CYTH3: variants seen among roughly 807,000 people sequenced by gnomAD.
The protein encoded by CYTH3 is cytohesin-3.
Under a neutral mutation model 55.1 loss-of-function variants are expected in CYTH3, and 23 were observed. The observed-to-expected ratio is 0.42, with a 90% CI of 0.30 to 0.59. The LOEUF (loss-of-function observed/expected upper bound fraction) is 0.59, where lower values mean the gene tolerates loss of function less well. CYTH3 is among the 20% of genes least tolerant of loss of function. The pLI, the probability that CYTH3 is intolerant of heterozygous loss-of-function variation, is 0.20. For synonymous variants in CYTH3, 249 were observed against 194.9 expected, an observed-to-expected ratio of 1.28 and a Z score of -2.31; for missense variants, 413 against 524.8, an observed-to-expected ratio of 0.79 and a Z score of 2.08.
chr7:6,248,592 G>A (rs1028796391), intron 1 of CYTH3, among the ~76,000 whole-genome samples: 3 of 152,176 alleles, frequency 2.0e-5, no homozygotes, highest in Non-Finnish European at 2.9e-5. Flanking sequence ...TTGAAGCCGC[G>A]TGTGTCCTCT....
intron 1 of CYTH3, among the ~76,000 whole-genome samples, chr7:6,265,442 T>G (rs1780464181): frequency 1.3e-5 from 2 of 150,408 alleles, no homozygotes; most frequent in African/African-American, 4.9e-5. Context: ...GAAACCCGTA[T>G]CTATTAAAAA....
rs767850912 is a variant in CYTH3 at position 6,243,016 on chromosome 7, T to C, written c.34+29458A>G. ...CCTGGGACATGCCCCTTCAGTTCTC[T>C]AGGAGGTAAAACTTGTGCCTCCCAA... On this transcript the variant is annotated intron_variant, in intron 1 of 12. Coordinates refer to ENST00000350796, the MANE Select transcript of CYTH3 (RefSeq NM_004227.4). Among the ~76,000 whole-genome samples, 26 of 152,170 alleles carry C rather than the reference T, an allele frequency of 1.7e-4. No individual in the cohort carries two copies. The Middle Eastern group carries it at 0.024, about 140-fold the overall frequency.
intron 5 of CYTH3, among the ~76,000 whole-genome samples, chr7:6,177,056 T>A (rs924068082): frequency 6.6e-6 from 1 of 152,228 alleles, no homozygotes; most frequent in African/African-American, 2.4e-5. Flanking sequence ...ATGGGGTAAG[T>A]CCCCCTTGGT....
intron 5 of CYTH3, among the ~76,000 whole-genome samples, chr7:6,176,422 C>T (rs1351604588): frequency 6.6e-6 from 1 of 151,810 alleles, no homozygotes; most frequent in Non-Finnish European, 1.5e-5. Flanking sequence ...CCACCACACC[C>T]AGCCAATTTT....
At chr7:6,240,931 T>C (rs562011137) in intron 1 of CYTH3, among the ~76,000 whole-genome samples, 1 of 150,788 alleles carries the variant, frequency 6.6e-6, no homozygotes, top group South Asian at 2.1e-4. Flanking sequence ...CTGACCAACA[T>C]GGTGAAACCC....
At chr7:6,259,818 ATATATATATATATATTTTT>A (rs1780296932) in intron 1 of CYTH3, among the ~76,000 whole-genome samples, 2 of 25,880 alleles carry the variant, frequency 7.7e-5, no homozygotes, top group African/African-American at 8.4e-4. Flanking sequence ...TATATAATAT[ATATATATATATATATTTTT>A]TTTTTTTTTT....
chr7:6,212,716 A>T (rs1279133440), intron 1 of CYTH3: 1 of 152,230 alleles, frequency 6.6e-6, no homozygotes, highest in Non-Finnish European at 1.5e-5. Context: ...AACAATCGAT[A>T]TAACTCACTA....
At chr7:6,263,985 A>G (rs751175802) in intron 1 of CYTH3, among the ~76,000 whole-genome samples, 1 of 151,906 alleles carries the variant, frequency 6.6e-6, no homozygotes, top group Non-Finnish European at 1.5e-5. Context: ...GGTTGCTCAC[A>G]CCTGTAATCC....
chr7:6,197,779 T>A (rs866837500), intron 1 of CYTH3, among the ~76,000 whole-genome samples: 30 of 152,298 alleles, frequency 2.0e-4, no homozygotes, highest in Middle Eastern at 3.4e-3. Flanking sequence ...GAATTTTTCA[T>A]GTTAAAAAAA....
intron 1 of CYTH3, among the ~76,000 whole-genome samples, chr7:6,232,440 G>A (rs1288575236): frequency 6.6e-6 from 1 of 152,144 alleles, no homozygotes. Flanking sequence ...TATCGTGACA[G>A]GTGGACCACA....
intron 1 of CYTH3, among the ~76,000 whole-genome samples, chr7:6,212,163 T>A (rs1403753433): frequency 6.6e-6 from 1 of 152,100 alleles, no homozygotes; most frequent in Non-Finnish European, 1.5e-5. Context: ...AAGCAAGGTC[T>A]CCCGATGTTT....
chr7:6,173,545 C>T (rs990332464), intron 6 of CYTH3, 108 bp downstream of exon 6: 41 of 748,230 alleles, frequency 5.5e-5, no homozygotes, highest in Non-Finnish European at 7.3e-5. Context: ...ATCTGTGAGA[C>T]TCGTGTGGCA....
intron 1 of CYTH3, among the ~76,000 whole-genome samples, chr7:6,197,254 T>G (rs1302460248): frequency 6.6e-6 from 1 of 152,168 alleles, no homozygotes; most frequent in African/African-American, 2.4e-5. Context: ...AATTTCCACG[T>G]CTAAAAGAAA....
chr7:6,183,857 A>C (rs1783567433), intron 4 of CYTH3, among the ~76,000 whole-genome samples: 1 of 151,926 alleles, frequency 6.6e-6, no homozygotes, highest in Non-Finnish European at 1.5e-5. Context: ...TGCCCTTATA[A>C]GAACATCACC....
chr7:6,202,050 C>T (rs1225606569), intron 1 of CYTH3, among the ~76,000 whole-genome samples: 1 of 152,190 alleles, frequency 6.6e-6, no homozygotes, highest in African/African-American at 2.4e-5. Flanking sequence ...TTCCTCCTCT[C>T]AAGAAGGGAA....
chr7:6,178,731 T>C (rs756125645), intron 4 of CYTH3, among the ~76,000 whole-genome samples: 14 of 152,224 alleles, frequency 9.2e-5, no homozygotes, highest in East Asian at 1.9e-4. Context: ...GCCAAAAACA[T>C]ACTGACATGC....
chr7:6,248,241 C>A lies in CYTH3; in HGVS notation c.34+24233G>T, dbSNP rs369220133. On this transcript the variant is annotated intron_variant, in intron 1 of 12. Coordinates refer to ENST00000350796, the MANE Select transcript of CYTH3 (RefSeq NM_004227.4). ...TAGACCCATCCTCCCCCAACCCCCC[C>A]CCAGCCAAAAAAAAAAAAAAGAATA... Among the ~76,000 whole-genome samples, 186 of 149,916 alleles carry A rather than the reference C, an allele frequency of 1.2e-3. 1 individual carries two copies. Among genetic ancestry groups the A allele is most frequent in the Non-Finnish European group, 2.2e-3 (146 of 67,626 alleles).
chr7:6,190,346 G>GTTTTTTTTTTTTTTTTTTTTTTTTTGTGT, intron 2 of CYTH3, 103 bp downstream of exon 2: 1 of 627,132 alleles, frequency 1.6e-6, no homozygotes, highest in Non-Finnish European at 2.2e-6. Flanking sequence ...TTGTTTTTGG[G>GTTTTTTTTTTTTTTTTTTTTTTTTTGTGT]TTTTTTTTTT....
At chr7:6,216,605 G>A (rs1784432908) in intron 1 of CYTH3, among the ~76,000 whole-genome samples, 1 of 151,782 alleles carries the variant, frequency 6.6e-6, no homozygotes, top group Non-Finnish European at 1.5e-5. Flanking sequence ...GCCGGGTGTG[G>A]TGACGCACAC....
Sources: allele counts gnomAD v4.1 joint callset (sites outside exome capture counted in the v4.1 genomes callset), GRCh38; gene constraint gnomAD v4.1.1; transcripts MANE v1.5; gene names NCBI Gene and HGNC (gene_info 2026-07-23, HGNC 2026-07-21).